Variants in WDR45B observed in about 807,000 individuals in gnomAD.
WDR45B encodes the protein WD repeat domain phosphoinositide-interacting protein 3.
A neutral mutation model predicts 44.6 loss-of-function variants in WDR45B; 20 were observed. The observed-to-expected ratio is 0.45, with a 90% CI of 0.32 to 0.65. The LOEUF (loss-of-function observed/expected upper bound fraction) is 0.65. Among genes scored for constraint, WDR45B ranks in the 30% least tolerant of loss-of-function variants. WDR45B has a pLI of 0.05. For missense variants in WDR45B, 323 were observed against 430.2 expected, an observed-to-expected ratio of 0.75 and a Z score of 2.20; for synonymous variants, 169 against 164.9, an observed-to-expected ratio of 1.02 and a Z score of -0.19.
At chr17:82,647,165 G>A (rs2045988799) in intron 1 of WDR45B, among the ~76,000 whole-genome samples, 1 of 152,154 alleles carries the variant, frequency 6.6e-6, no homozygotes, top group Admixed American at 6.5e-5. Context: ...GGAGGAGGAG[G>A]TTGCAGTGAG....
chr17:82,641,853 A>G (rs1006022775), intron 2 of WDR45B, among the ~76,000 whole-genome samples: 2 of 151,730 alleles, frequency 1.3e-5, no homozygotes, highest in Non-Finnish European at 2.9e-5. Context: ...AGCCGAGATC[A>G]CACCACTGCA....
chr17:82,627,148 G>T, intron 4 of WDR45B, 56 bp downstream of exon 4: 1 of 1,342,068 alleles, frequency 7.5e-7, no homozygotes, highest in Non-Finnish European at 1.1e-6. Flanking sequence ...AAGTATTTCA[G>T]CCATCTTTTG....
intron 2 of WDR45B, among the ~76,000 whole-genome samples, chr17:82,638,425 G>A (rs2045868483): frequency 6.6e-6 from 1 of 151,734 alleles, no homozygotes; most frequent in African/African-American, 2.4e-5. Context: ...AACCAGGTCT[G>A]TGGGAGTTAC....
intron 2 of WDR45B, among the ~76,000 whole-genome samples, chr17:82,636,250 G>A: frequency 9.6e-6 from 1 of 104,280 alleles, no homozygotes; most frequent in Non-Finnish European, 1.7e-5. Flanking sequence ...GACAGAGCAA[G>A]ACTCCGTCTC....
chr17:82,636,395 G>A (rs1016817241), intron 2 of WDR45B: 1 of 151,936 alleles, frequency 6.6e-6, no homozygotes. Flanking sequence ...GGCAGAGAAG[G>A]AGAGTTAAGG....
chr17:82,621,868 C>T (rs1598261648), intron 5 of WDR45B, 69 bp from the exon 6 acceptor site: 6 of 1,550,676 alleles, frequency 3.9e-6, no homozygotes, highest in East Asian at 2.3e-5. Flanking sequence ...CCACTTTCTG[C>T]CCCCAAAGTT....
At chr17:82,623,659 C>T (rs889152254) in intron 5 of WDR45B, among the ~76,000 whole-genome samples, 2 of 150,612 alleles carry the variant, frequency 1.3e-5, no homozygotes, top group Admixed American at 1.3e-4. Context: ...GATCATGCCA[C>T]TGCACTCCAG....
At position 82,621,897 on chromosome 17, in the gene WDR45B, A is replaced by G. The variant is rs1166862343; in HGVS notation, c.428-98T>C. ...CAAAGTTCTCCGAAAAAATAGATGT[A>G]TATCATTTATAAATATCAGAACCAC... is the stretch of plus-strand genomic sequence containing the variant. On this transcript the variant is annotated intron_variant, in intron 5 of 9. Transcript: ENST00000392325. 1.6e-5 allele frequency: 20 copies of G among 1,233,400 alleles called. No individual in the cohort carries two copies. The Admixed American group carries it at 2.8e-4, about 17-fold the overall frequency. 76.4% of individuals were successfully genotyped at this position (1,233,400 alleles called of 1,614,324 possible).
intron 7 of WDR45B, 96 bp downstream of exon 7, chr17:82,618,947 G>A (rs1477440664): frequency 9.0e-7 from 1 of 1,108,408 alleles, no homozygotes; most frequent in African/African-American, 1.5e-5. Flanking sequence ...ATTCGGGGGA[G>A]GGTGGCTGCT....
chr17:82,621,883 G>GA (rs2045623767), intron 5 of WDR45B, 84 bp from the exon 6 acceptor site: 3 of 1,373,552 alleles, frequency 2.2e-6, no homozygotes, highest in African/African-American at 1.4e-5. Flanking sequence ...AAAGTTCTCC[G>GA]AAAAAATAGA....
intron 7 of WDR45B, among the ~76,000 whole-genome samples, chr17:82,618,643 A>G (rs1315404042): frequency 1.3e-5 from 2 of 152,192 alleles, no homozygotes; most frequent in Non-Finnish European, 2.9e-5. Flanking sequence ...AGGCTGAGGC[A>G]GGAGAATCGC....
chr17:82,646,513 C>CAAAAAAAAAAAAAAAAAAAAA lies in WDR45B; in HGVS notation c.67+1760_67+1761insTTTTTTTTTTTTTTTTTTTTT, dbSNP rs1491582349. Among the ~76,000 whole-genome samples the CAAAAAAAAAAAAAAAAAAAAA allele has an allele frequency of 1.5e-4, 4 of 27,080 alleles. 1 individual carries two copies. Among genetic ancestry groups the CAAAAAAAAAAAAAAAAAAAAA allele is most frequent in the Non-Finnish European group, 2.5e-4 (4 of 16,012 alleles). The allele number at this position is 27,080 out of a possible 152,430, so 17.8% of individuals were successfully genotyped here. On this transcript the variant is annotated intron_variant, in intron 1 of 9. Transcript: ENST00000392325. Reference sequence around the variant, plus strand: ...CAAAAAAAAAAAAAAAAAAAAAAAACCCAAAACAAAAAAACAGCTAGAAAC... The same window carrying CAAAAAAAAAAAAAAAAAAAAA: ...CAAAAAAAAAAAAAAAAAAAAAAAACAAAAAAAAAAAAAAAAAAAAACCAAAACAAAAAAACAGCTAGAAAC...
In WDR45B at chr17:82,614,934, A is replaced by T. The variant is rs1358075797; in HGVS notation, c.*985T>A. 2.6e-5 allele frequency: 4 copies of T among 152,190 alleles called. No homozygotes were observed. The highest frequency in any genetic ancestry group is 5.9e-5 in the Non-Finnish European group (4 of 68,034). The allele number at this position is 152,190 out of a possible 1,614,324, so 9.4% of individuals were successfully genotyped here. ...TCTCCTTCCCAAAATGTTAGTGTGTAGCTATTCTTACAAATGAGGGGAGGG... is the reference window on the plus strand; with the variant it reads ...TCTCCTTCCCAAAATGTTAGTGTGTTGCTATTCTTACAAATGAGGGGAGGG... On this transcript the variant is annotated 3_prime_UTR_variant, in exon 10 of 10. Coordinates refer to ENST00000392325, the MANE Select transcript of WDR45B (RefSeq NM_019613.4).
intron 7 of WDR45B, among the ~76,000 whole-genome samples, chr17:82,618,150 G>T (rs1317914357): frequency 6.6e-6 from 1 of 152,078 alleles, no homozygotes; most frequent in Admixed American, 6.5e-5. Flanking sequence ...GGCTGGTCTC[G>T]AACTCCTGAC....
In WDR45B at chr17:82,617,364, G is replaced by A. The variant is rs368028736; in HGVS notation, c.738C>T (p.Cys246=). The part of the protein sequence containing the change: ...INFNQDASLI[C]VSSDHGTVHI... The stretch of plus-strand genomic sequence containing the variant: ...GCACTGTGCCGTGGTCGCTGGATAC[G>A]CAGATGAGGGACGCATCCTGATTGA... Residue 246 remains cysteine, a synonymous_variant, in exon 8 of 10, where the codon TGC becomes TGT. Transcript: ENST00000392325. The A allele has an allele frequency of 2.0e-5, 33 of 1,613,974 alleles. No homozygotes were observed. The African/African-American group carries it at 3.6e-4, about 18-fold the overall frequency.
At chr17:82,625,618 G>A (rs1464371808) in intron 4 of WDR45B, 135 bp from the exon 5 acceptor site, 1 of 931,424 alleles carries the variant, frequency 1.1e-6, no homozygotes, top group African/African-American at 1.7e-5. Flanking sequence ...TGAAGAAAAA[G>A]CTCTGGAGGC....
intron 4 of WDR45B, chr17:82,626,829 T>C (rs2143295849): frequency 6.6e-6 from 2 of 303,548 alleles, no homozygotes; most frequent in South Asian, 3.4e-5. Flanking sequence ...AAAACCTTTA[T>C]TGAGAGGCAG....
intron 2 of WDR45B, 44 bp from the exon 3 acceptor site, chr17:82,631,066 G>A: frequency 1.3e-6 from 2 of 1,552,912 alleles, no homozygotes. Context: ...AAGTTAATAT[G>A]TATATTTTAC....
intron 6 of WDR45B, among the ~76,000 whole-genome samples, chr17:82,621,240 GA>G (rs1210655106): frequency 6.6e-6 from 1 of 152,064 alleles, no homozygotes; most frequent in Non-Finnish European, 1.5e-5. Context: ...TTTTAGTAGA[GA>G]CGGGGTTTCA....
Sources: gnomAD v4.1 joint callset for allele counts (sites outside exome capture counted in the v4.1 genomes callset) on GRCh38, gnomAD v4.1.1 for gene constraint, MANE v1.5 for transcripts, NCBI Gene and HGNC (gene_info 2026-07-23, HGNC 2026-07-21) for gene names.